Variants in KCNH1 observed in about 807,000 individuals in gnomAD.
The protein encoded by KCNH1 is potassium voltage-gated channel subfamily H member 1, also known as voltage-gated delayed rectifier potassium channel KCNH1.
A neutral mutation model predicts 69.2 loss-of-function variants in KCNH1; 27 were observed. That is an observed-to-expected ratio of 0.39 (90% CI 0.29 to 0.54). The LOEUF (loss-of-function observed/expected upper bound fraction) is 0.54, where lower values mean the gene tolerates loss of function less well. Among genes scored for constraint, KCNH1 ranks in the 20% least tolerant of loss-of-function variants. KCNH1 has a pLI of 0.68. For synonymous variants in KCNH1, 456 were observed against 487.7 expected (o/e 0.93, Z 0.86); for missense variants, 798 against 1,261.6 (o/e 0.63, Z 5.57).
chr1:211,000,041 C>A (rs1689141742), intron 6 of KCNH1, among the ~76,000 whole-genome samples: 1 of 152,156 alleles, frequency 6.6e-6, no homozygotes, highest in Admixed American at 6.5e-5. Context: ...CTATGACAAA[C>A]CCACAGCCAA....
At chr1:210,731,368 C>T (rs905991979) in intron 10 of KCNH1, among the ~76,000 whole-genome samples, 1 of 152,208 alleles carries the variant, frequency 6.6e-6, no homozygotes, top group African/African-American at 2.4e-5. Flanking sequence ...CATGGCTTCA[C>T]CCAGGCTGCA....
chr1:211,113,991 C>T (rs2102491915), intron 1 of KCNH1, among the ~76,000 whole-genome samples: 1 of 150,474 alleles, frequency 6.6e-6, no homozygotes, highest in Non-Finnish European at 1.5e-5. Context: ...CACACACACA[C>T]ACACACACAC....
intron 5 of KCNH1, among the ~76,000 whole-genome samples, chr1:211,071,603 C>T (rs1383084151): frequency 2.0e-5 from 3 of 152,088 alleles, no homozygotes; most frequent in South Asian, 2.1e-4. Flanking sequence ...TGTGTGGAAA[C>T]GTTTTTATAA....
intron 7 of KCNH1, chr1:210,861,125 T>C: frequency 5.6e-6 from 5 of 894,034 alleles, no homozygotes; most frequent in Non-Finnish European, 9.4e-6. Flanking sequence ...GGAAATGAAA[T>C]CTTCAGACAC....
At chr1:211,038,748 G>A (rs1386881294) in intron 5 of KCNH1, among the ~76,000 whole-genome samples, 1 of 152,204 alleles carries the variant, frequency 6.6e-6, no homozygotes, top group Non-Finnish European at 1.5e-5. Context: ...TTGAACTTGA[G>A]AGAGATGATT....
chr1:210,977,896 T>G (rs560258141), intron 6 of KCNH1, among the ~76,000 whole-genome samples: 1 of 152,346 alleles, frequency 6.6e-6, no homozygotes, highest in Non-Finnish European at 1.5e-5. Flanking sequence ...CTCAAATATT[T>G]ATCATTTGTG....
intron 7 of KCNH1, among the ~76,000 whole-genome samples, chr1:210,894,824 G>A (rs1686829860): frequency 6.6e-6 from 1 of 152,152 alleles, no homozygotes; most frequent in Admixed American, 6.6e-5. Flanking sequence ...CAGCTTTCTG[G>A]AGGAACCATG....
intron 5 of KCNH1, among the ~76,000 whole-genome samples, chr1:211,025,525 C>A (rs1242051831): frequency 6.6e-6 from 1 of 151,982 alleles, no homozygotes; most frequent in Admixed American, 6.6e-5. Context: ...AGAAGTTTGG[C>A]CTTTAAGAAT....
intron 7 of KCNH1, among the ~76,000 whole-genome samples, chr1:210,915,455 T>C (rs781239410): frequency 3.6e-4 from 55 of 152,120 alleles, no homozygotes; most frequent in African/African-American, 1.2e-3. Flanking sequence ...TACCAATGCA[T>C]AGGAGAGATT....
chr1:210,889,014 A>C (rs1033135498), intron 7 of KCNH1, among the ~76,000 whole-genome samples: 7 of 152,212 alleles, frequency 4.6e-5, no homozygotes, highest in Admixed American at 3.3e-4. Context: ...ATACTATTCC[A>C]ATTAATAGAA....
At chr1:210,818,600 A>G (rs969243555) in intron 7 of KCNH1, among the ~76,000 whole-genome samples, 3 of 152,198 alleles carry the variant, frequency 2.0e-5, no homozygotes, top group Non-Finnish European at 4.4e-5. Flanking sequence ...GATGATATAT[A>G]TAAAGTGCCC....
At chr1:210,833,290 T>C (rs1685203562) in intron 7 of KCNH1, among the ~76,000 whole-genome samples, 1 of 152,152 alleles carries the variant, frequency 6.6e-6, no homozygotes, top group Admixed American at 6.6e-5. Context: ...TAAAAGTTTG[T>C]GTCCCTTGAA....
intron 3 of KCNH1, among the ~76,000 whole-genome samples, chr1:211,092,028 T>A (rs1691061666): frequency 1.3e-5 from 2 of 152,260 alleles, no homozygotes; most frequent in South Asian, 4.1e-4. Flanking sequence ...GAATTTTGCA[T>A]AACTGGAATA....
At chr1:210,693,173 G>T (rs528186023) in intron 10 of KCNH1, among the ~76,000 whole-genome samples, 1 of 152,204 alleles carries the variant, frequency 6.6e-6, no homozygotes, top group African/African-American at 2.4e-5. Context: ...AGCCTTAGTT[G>T]TCTTCTGTAC....
intron 7 of KCNH1, among the ~76,000 whole-genome samples, chr1:210,843,001 G>A (rs1685442786): frequency 6.6e-6 from 1 of 152,128 alleles, no homozygotes; most frequent in Non-Finnish European, 1.5e-5. Flanking sequence ...ATATTAACAA[G>A]CCAATAAGCC....
intron 10 of KCNH1, among the ~76,000 whole-genome samples, chr1:210,757,928 A>G (rs557612679): frequency 9.9e-5 from 15 of 152,258 alleles, no homozygotes; most frequent in Admixed American, 2.0e-4. Context: ...TACACAGGGC[A>G]TGCTGCAGTC....
At chr1:210,782,643 T>C (rs1321768139) in intron 9 of KCNH1, among the ~76,000 whole-genome samples, 18 of 152,138 alleles carry the variant, frequency 1.2e-4, no homozygotes, top group Admixed American at 1.2e-3. Flanking sequence ...GGAGAATTGC[T>C]TGGACCTAGG....
At chr1:210,974,947 T>C (rs1688577089) in intron 6 of KCNH1, among the ~76,000 whole-genome samples, 1 of 152,186 alleles carries the variant, frequency 6.6e-6, no homozygotes, top group Non-Finnish European at 1.5e-5. Flanking sequence ...ACTATTATTA[T>C]TATTGCTTTA....
intron 10 of KCNH1, among the ~76,000 whole-genome samples, chr1:210,709,367 C>A (rs1681995987): frequency 6.6e-6 from 1 of 152,180 alleles, no homozygotes. Flanking sequence ...AGCAAACCAG[C>A]AGGAGGTGGG....
Sources: gnomAD v4.1 joint callset for allele counts (sites outside exome capture counted in the v4.1 genomes callset) on GRCh38, gnomAD v4.1.1 for gene constraint, MANE v1.5 for transcripts, NCBI Gene and HGNC (gene_info 2026-07-23, HGNC 2026-07-21) for gene names.